CAPN15: variants seen among roughly 807,000 people sequenced by gnomAD.
CAPN15 encodes calpain-15.
CAPN15 carries 53 observed loss-of-function variants against 97.9 expected under a neutral mutation model. That is an observed-to-expected ratio of 0.54 (90% CI 0.43 to 0.68). The LOEUF (loss-of-function observed/expected upper bound fraction) is 0.68, where lower values mean the gene tolerates loss of function less well. Ranked by LOEUF, CAPN15 falls within the 30% of genes least tolerant of loss-of-function variation. The pLI is 0.00. For synonymous variants in CAPN15, 922 were observed against 722.5 expected (o/e 1.28, Z -4.43); for missense variants, 1,592 against 1,589.8 (o/e 1.00, Z -0.02).
chr16:552,798 G>A lies in CAPN15; in HGVS notation c.2904+27G>A. On this transcript the variant is annotated intron_variant, in intron 12 of 13. Transcript: ENST00000219611. The surrounding 1 kb of genome is among the most constrained non-coding windows in gnomAD (Gnocchi z 6.4). ...TGGGTGGGGGTCCCGGGGGAGGGTG[G>A]CGTGGGGCAGGGGGAGTATGCCCCA... 2.0e-6 allele frequency: 3 copies of A among 1,522,448 alleles called. No homozygotes were observed. Among genetic ancestry groups the A allele is most frequent in the Non-Finnish European group, 1.8e-6 (2 of 1,133,146 alleles). The allele number at this position is 1,522,448 out of a possible 1,614,324, so 94.3% of individuals were successfully genotyped here.
intron 1 of CAPN15, among the ~76,000 whole-genome samples, chr16:531,346 C>T (rs185610386): frequency 2.6e-5 from 4 of 152,146 alleles, no homozygotes; most frequent in South Asian, 2.1e-4. Context: ...TACAGGTGGG[C>T]GCCACCACAC....
At chr16:545,399 C>T (rs902483814) in intron 3 of CAPN15, among the ~76,000 whole-genome samples, 3 of 152,146 alleles carry the variant, frequency 2.0e-5, no homozygotes, top group Non-Finnish European at 2.9e-5. Context: ...GCCGGCACAG[C>T]GCAGACTGCG....
In CAPN15 at chr16:547,333, C is replaced by T. The variant is rs2034660738; in HGVS notation, c.495C>T (p.Val165=). The T allele has an allele frequency of 3.3e-6, 5 of 1,538,250 alleles. No individual in the cohort carries two copies. Among genetic ancestry groups the T allele is most frequent in the Non-Finnish European group, 4.4e-6 (5 of 1,148,552 alleles). The part of the protein sequence containing the change: ...HNTPVASSCS[V]CGGPRRLSLP... ...CGCCCGTGGCCAGCTCCTGCTCCGT[C>T]TGCGGGGGCCCACGCAGGCTCTCGC... The change falls in exon 4 of 14, where the codon GTC becomes GTT. Residue 165 remains valine (V), a synonymous_variant. Transcript: ENST00000219611.
chr16:546,679 C>A, intron 3 of CAPN15, 138 bp from the exon 4 acceptor site: 1 of 1,182,574 alleles, frequency 8.5e-7, no homozygotes, highest in Non-Finnish European at 1.1e-6. Context: ...CCGCCGCCTG[C>A]CTCAAATGCT....
At chr16:530,123 G>A (rs1303008324) in intron 1 of CAPN15, among the ~76,000 whole-genome samples, 1 of 152,188 alleles carries the variant, frequency 6.6e-6, no homozygotes. Context: ...GGAGCCACTG[G>A]CCTCTCATGC....
intron 3 of CAPN15, among the ~76,000 whole-genome samples, chr16:536,410 C>A (rs1474871730): frequency 6.9e-6 from 1 of 144,262 alleles, no homozygotes; most frequent in African/African-American, 2.7e-5. Context: ...TCTAGGGGAA[C>A]GCGGGCTGGG....
chr16:542,923 C>T (rs906916810), intron 3 of CAPN15, among the ~76,000 whole-genome samples: 12 of 152,138 alleles, frequency 7.9e-5, no homozygotes, highest in East Asian at 5.8e-4. Flanking sequence ...TGGTGACGGG[C>T]ACCTATAATC....
chr16:537,283 G>A, intron 3 of CAPN15: 1 of 985,544 alleles, frequency 1.0e-6, no homozygotes, highest in Non-Finnish European at 1.2e-6. Flanking sequence ...AGTGAGCGCA[G>A]GGGAGCAGGA....
chr16:532,239 CAA>C (rs1228158788), intron 1 of CAPN15, among the ~76,000 whole-genome samples: 13 of 83,410 alleles, frequency 1.6e-4, no homozygotes, highest in Admixed American at 2.7e-4. Flanking sequence ...TACTCCGTCT[CAA>C]AAAAAAAAAA....
intron 3 of CAPN15, among the ~76,000 whole-genome samples, chr16:542,969 T>G (rs967558083): frequency 6.6e-6 from 1 of 151,104 alleles, no homozygotes; most frequent in Admixed American, 6.6e-5. Context: ...GAGAATCGCT[T>G]GAACTTGGGA....
chr16:551,903 G>T, intron 9 of CAPN15, 148 bp from the exon 10 acceptor site: 4 of 1,022,878 alleles, frequency 3.9e-6, no homozygotes, highest in Non-Finnish European at 6.0e-6. Context: ...AGGCCTCAGG[G>T]ATGGGCCCCC....
Position 549,319 on chromosome 16 carries a change from CG to C in CAPN15, c.1692del (p.Pro565ArgfsTer7). ...FLSALAVLAERPDLVERVMVT... is the reference protein window; with the variant it reads ...FLSALAVLAEXPDLVERVMVT... ...GAGCGCCCTGGCGGTGCTGGCGGAG[CG>C]GCCGGACCTGGTGGAGCGGGTGATG... On this transcript the variant is annotated frameshift_variant, in exon 6 of 14. Transcript: ENST00000219611. LOFTEE classifies it high-confidence loss of function. 1 of 1,592,998 alleles carries C rather than the reference CG, an allele frequency of 6.3e-7. No individual in the cohort carries two copies. The highest frequency in any genetic ancestry group is 1.3e-5 in the African/African-American group (1 of 74,862).
intron 5 of CAPN15, 41 bp downstream of exon 5, chr16:549,242 G>GGGGC: frequency 2.7e-5 from 8 of 298,892 alleles, no homozygotes; most frequent in South Asian, 4.9e-5. Flanking sequence ...GGGTGGGCGG[G>GGGGC]CGACCGGCCG....
At position 547,201 on chromosome 16, in the gene CAPN15, G is replaced by C; in HGVS notation, c.363G>C (p.Gly121=). 1 of 1,531,134 alleles carries C rather than the reference G, an allele frequency of 6.5e-7. No homozygotes were observed. Among genetic ancestry groups the C allele is most frequent in the Non-Finnish European group, 8.7e-7 (1 of 1,144,298 alleles). The allele number at this position is 1,531,134 out of a possible 1,614,324, so 94.8% of individuals were successfully genotyped here. ...AGLVATEPAR[G]QCEDKDEEEK... is the part of the protein sequence containing the mutation. ...TGGTGGCCACGGAGCCCGCCAGGGG[G>C]CAGTGCGAGGACAAGGACGAGGAGG... The change falls in exon 4 of 14, where the codon GGG becomes GGC. Residue 121 remains glycine (G), a synonymous_variant. Coordinates refer to ENST00000219611, the MANE Select transcript of CAPN15 (RefSeq NM_005632.3).
At position 551,670 on chromosome 16, in the gene CAPN15, G is replaced by A. The variant is rs376880778; in HGVS notation, c.2345+6G>A. On this transcript the variant is annotated splice_donor_region_variant and intron_variant, in intron 9 of 13. Coordinates refer to ENST00000219611, the MANE Select transcript of CAPN15 (RefSeq NM_005632.3). ...GAGTACGGCGACTTTGTCAGGTATC[G>A]GCACCGTGGGGCGGTGTGCACGCCG... 4 of 1,586,870 alleles carry A rather than the reference G, an allele frequency of 2.5e-6. No individual in the cohort carries two copies. Among genetic ancestry groups the A allele is most frequent in the East Asian group, 2.2e-5 (1 of 44,494 alleles).
In CAPN15 at chr16:547,802, A is replaced by T. The variant is rs1463889429; in HGVS notation, c.964A>T (p.Ile322Phe). ...CAGCTCCACCTCGGGCAGTGACATC[A>T]TTGACCTGGCCGGAGACACCGTGCG... ...AGSSTSGSDIIDLAGDTVRYT... is the reference protein window; with the variant it reads ...AGSSTSGSDIFDLAGDTVRYT... The change falls in exon 4 of 14, where the codon ATT becomes TTT. Residue 322 changes from isoleucine (I) to phenylalanine (F), a missense_variant. Physicochemically the swap from Ile to Phe is conservative, Grantham distance 21. Coordinates refer to ENST00000219611, the MANE Select transcript of CAPN15 (RefSeq NM_005632.3). 1.2e-6 allele frequency: 2 copies of T among 1,611,938 alleles called. No homozygotes were observed. Among genetic ancestry groups the T allele is most frequent in the African/African-American group, 2.7e-5 (2 of 74,922 alleles).
In CAPN15 at chr16:548,834, G is replaced by A. The variant is rs935538883; in HGVS notation, c.1450-159G>A. 1.6e-4 allele frequency among the ~76,000 whole-genome samples: 25 copies of A among 152,246 alleles called. 1 individual carries two copies. Among genetic ancestry groups the A allele is most frequent in the African/African-American group, 3.9e-4 (16 of 41,470 alleles). ...CTCCACTAGGGCTGAGGGCTTCCTC[G>A]ACACAGGGCCGGCGCCAGGTCTGTG... is the stretch of plus-strand genomic sequence containing the variant. On this transcript the variant is annotated intron_variant, in intron 4 of 13. Coordinates refer to ENST00000219611, the MANE Select transcript of CAPN15 (RefSeq NM_005632.3).
intron 1 of CAPN15, among the ~76,000 whole-genome samples, chr16:529,654 A>G (rs115955817): frequency 0.023 from 3,473 of 152,316 alleles, 134 homozygotes; most frequent in African/African-American, 0.079. Flanking sequence ...CCCCTGGTCC[A>G]GCCCTCTGGC....
At chr16:542,332 C>T (rs1429526811) in intron 3 of CAPN15, among the ~76,000 whole-genome samples, 1 of 152,184 alleles carries the variant, frequency 6.6e-6, no homozygotes, top group Non-Finnish European at 1.5e-5. Context: ...GGTGAACTTT[C>T]ATAATGTCTT....
Sources: allele counts gnomAD v4.1 joint callset (sites outside exome capture counted in the v4.1 genomes callset), GRCh38; gene constraint gnomAD v4.1.1; non-coding constraint Gnocchi (gnomAD v3.1); transcripts MANE v1.5; gene names NCBI Gene and HGNC (gene_info 2026-07-23, HGNC 2026-07-21).